MGMT: variants seen among roughly 807,000 people sequenced by gnomAD.
MGMT encodes methylated-DNA--protein-cysteine methyltransferase.
A neutral mutation model predicts 15.9 loss-of-function variants in MGMT; 14 were observed. The ratio of observed to expected loss-of-function variants is 0.88; its 90% CI spans 0.58 to 1.37. MGMT has a LOEUF of 1.37. Ranked by LOEUF, MGMT falls within the 40% of genes most tolerant of loss-of-function variation. The probability of loss-of-function intolerance (pLI) is 0.00; values close to 1 mark genes in which losing one functional copy is unlikely to be tolerated. For synonymous variants in MGMT, 130 were observed against 118.2 expected (o/e 1.10, Z -0.65); for missense variants, 282 against 268.1 (o/e 1.05, Z -0.36).
chr10:129,708,012 G>A lies in MGMT; in HGVS notation c.243G>A (p.Val81=). The change falls in exon 3 of 5, where the codon GTG becomes GTA. Residue 81 remains valine, a synonymous_variant. Transcript: ENST00000651593. The part of the protein sequence containing the change: ...HQPEAIEEFP[V]PALHHPVFQQ... The stretch of plus-strand genomic sequence containing the variant: ...CCGAGGCTATCGAAGAGTTCCCCGT[G>A]CCGGCTCTTCACCATCCCGTTTTCC... The A allele has an allele frequency of 6.2e-7, 1 of 1,613,690 alleles. No individual in the cohort carries two copies. The highest frequency in any genetic ancestry group is 1.1e-5 in the South Asian group (1 of 91,064).
At chr10:129,487,041 T>C (rs961363700) in intron 1 of MGMT, among the ~76,000 whole-genome samples, 2 of 152,212 alleles carry the variant, frequency 1.3e-5, no homozygotes, top group Non-Finnish European at 2.9e-5. Context: ...CAACTAGGGC[T>C]GTCTTTTGTC....
intron 2 of MGMT, among the ~76,000 whole-genome samples, chr10:129,573,657 C>A (rs1398111114): frequency 6.6e-6 from 1 of 152,024 alleles, no homozygotes; most frequent in Non-Finnish European, 1.5e-5. Context: ...TTATTTTCAT[C>A]TAAATGCTAA....
chr10:129,668,669 T>C (rs1564754301), intron 2 of MGMT, among the ~76,000 whole-genome samples: 2 of 152,230 alleles, frequency 1.3e-5, no homozygotes, highest in Middle Eastern at 3.2e-3. Context: ...TCAAATCTAA[T>C]AGAGAAAGTA....
intron 1 of MGMT, among the ~76,000 whole-genome samples, chr10:129,474,629 G>A (rs1010634029): frequency 6.6e-5 from 10 of 152,188 alleles, no homozygotes; most frequent in African/African-American, 2.4e-4. Flanking sequence ...GTGGACCCAG[G>A]CTCATTACCA....
intron 2 of MGMT, among the ~76,000 whole-genome samples, chr10:129,649,981 G>T (rs1334443405): frequency 2.0e-5 from 3 of 152,042 alleles, no homozygotes; most frequent in East Asian, 1.9e-4. Flanking sequence ...ATCTAGAGAG[G>T]GTCCCTTTCT....
chr10:129,554,737 C>T (rs968235349), intron 2 of MGMT, among the ~76,000 whole-genome samples: 3 of 152,174 alleles, frequency 2.0e-5, no homozygotes, highest in Non-Finnish European at 2.9e-5. Flanking sequence ...AGCATTAGCT[C>T]TGTGTTTTCC....
At chr10:129,575,405 G>A (rs1389184263) in intron 2 of MGMT, among the ~76,000 whole-genome samples, 1 of 149,592 alleles carries the variant, frequency 6.7e-6, no homozygotes, top group East Asian at 1.9e-4. Flanking sequence ...CAACTACATG[G>A]AAACTGAACA....
Position 129,710,876 on chromosome 10 carries a change from C to G in MGMT, c.274+2833C>G, listed in dbSNP as rs141049659. On this transcript the variant is annotated intron_variant, in intron 3 of 4. Transcript: ENST00000651593. ...TCCTTGACCAATTCCTTTTTCTGCA[C>G]ATTTTAATTTCTGTATATGTTTAAC... Among the ~76,000 whole-genome samples the G allele has an allele frequency of 2.0e-5, 3 of 152,326 alleles. No homozygotes were observed. The East Asian group carries it at 5.8e-4, about 29-fold the overall frequency.
At position 129,766,899 on chromosome 10, in the gene MGMT, T is replaced by G. The variant is rs61752719; in HGVS notation, c.526T>G (p.Leu176Val). Residue 176 changes from leucine (L) to valine (V), a missense_variant, in exon 5 of 5, where the codon TTG becomes GTG. By Grantham distance (32) the Leu-to-Val change is conservative. Transcript: ENST00000651593. ...GCTTCTGGCCCATGAAGGCCACCGG[T>G]TGGGGAAGCCAGGCTTGGGAGGGAG... ...EWLLAHEGHRLGKPGLGGSSG... is the reference protein window; with the variant it reads ...EWLLAHEGHRVGKPGLGGSSG... 6.2e-7 allele frequency: 1 copy of G among 1,613,486 alleles called. No individual in the cohort carries two copies. Among genetic ancestry groups the G allele is most frequent in the African/African-American group, 1.3e-5 (1 of 75,064 alleles).
At chr10:129,719,148 G>A (rs1848337755) in intron 3 of MGMT, among the ~76,000 whole-genome samples, 1 of 142,290 alleles carries the variant, frequency 7.0e-6, no homozygotes, top group Non-Finnish European at 1.5e-5. Context: ...GCCCAGAGCT[G>A]GTCTGTGTGC....
chr10:129,615,887 C>A (rs1209510756), intron 2 of MGMT, among the ~76,000 whole-genome samples: 1 of 152,062 alleles, frequency 6.6e-6, no homozygotes, highest in Non-Finnish European at 1.5e-5. Flanking sequence ...GCAGTGGGAC[C>A]AGGATGAATG....
intron 2 of MGMT, among the ~76,000 whole-genome samples, chr10:129,636,712 A>G (rs1847268853): frequency 6.6e-6 from 1 of 152,194 alleles, no homozygotes; most frequent in South Asian, 2.1e-4. Context: ...TCTTTTTGAA[A>G]TTATATTATT....
intron 3 of MGMT, among the ~76,000 whole-genome samples, chr10:129,736,975 C>T (rs1456108503): frequency 6.6e-6 from 1 of 152,212 alleles, no homozygotes; most frequent in Non-Finnish European, 1.5e-5. Context: ...CGACCTTTCT[C>T]TCTGGCTGCC....
intron 3 of MGMT, among the ~76,000 whole-genome samples, chr10:129,734,035 C>T (rs940491781): frequency 0.015 from 2,331 of 151,410 alleles, 58 homozygotes; most frequent in African/African-American, 0.051. Context: ...ATTGACTTGG[C>T]GATGCGGGCT....
At chr10:129,684,497 T>G (rs2133122754) in intron 2 of MGMT, among the ~76,000 whole-genome samples, 1 of 152,376 alleles carries the variant, frequency 6.6e-6, no homozygotes, top group African/African-American at 2.4e-5. Context: ...AATTGGACAC[T>G]TCTCAAAAGA....
At chr10:129,749,005 A>G (rs1564784221) in intron 3 of MGMT, among the ~76,000 whole-genome samples, 3 of 152,146 alleles carry the variant, frequency 2.0e-5, no homozygotes, top group Admixed American at 1.3e-4. Context: ...CTCACTTTCA[A>G]GTTACTTTTG....
chr10:129,491,799 A>G (rs138641924), intron 1 of MGMT, among the ~76,000 whole-genome samples: 7 of 152,150 alleles, frequency 4.6e-5, no homozygotes, highest in Non-Finnish European at 7.4e-5. Context: ...TTTAATATAT[A>G]TTTTAATTCT....
intron 2 of MGMT, among the ~76,000 whole-genome samples, chr10:129,672,285 G>A (rs1260118316): frequency 6.6e-6 from 1 of 152,292 alleles, no homozygotes; most frequent in East Asian, 1.9e-4. Flanking sequence ...CTTCTTTCAA[G>A]TAATGTCTTT....
At chr10:129,603,689 A>G (rs1357212056) in intron 2 of MGMT, among the ~76,000 whole-genome samples, 1 of 152,252 alleles carries the variant, frequency 6.6e-6, no homozygotes, top group Non-Finnish European at 1.5e-5. Context: ...CTAATTTCAA[A>G]TGCCTTTGTT....
Sources: allele counts gnomAD v4.1 joint callset (sites outside exome capture counted in the v4.1 genomes callset), GRCh38; gene constraint gnomAD v4.1.1; transcripts MANE v1.5; gene names NCBI Gene and HGNC (gene_info 2026-07-23, HGNC 2026-07-21).